Variants in GCFC2 observed in about 807,000 individuals in gnomAD.
GCFC2 encodes GC-rich sequence DNA-binding factor 2.
In GCFC2, 102 loss-of-function variants were observed where a neutral mutation model predicts 99.4. The observed-to-expected ratio is 1.03, with a 90% CI of 0.87 to 1.21. GCFC2 has a LOEUF of 1.21. GCFC2 is among the 50% of genes most tolerant of loss of function. GCFC2 has a pLI of 0.00. For missense variants in GCFC2, 973 were observed against 920.9 expected (o/e 1.06, Z -0.73); for synonymous variants, 338 against 316.8 (o/e 1.07, Z -0.71).
intron 8 of GCFC2, 162 bp downstream of exon 8, chr2:75,690,476 G>A (rs1680016914): frequency 6.9e-6 from 4 of 577,516 alleles, no homozygotes; most frequent in Non-Finnish European, 1.2e-5. Context: ...TGTCTTTAAA[G>A]CAGTCAAGGG....
chr2:75,670,342 C>G, intron 14 of GCFC2, 58 bp from the exon 15 acceptor site: 1 of 1,199,078 alleles, frequency 8.3e-7, no homozygotes. Flanking sequence ...CTGTAATAGT[C>G]TCTAACAAAC....
At chr2:75,667,861 G>A (rs1339755015) in intron 15 of GCFC2, among the ~76,000 whole-genome samples, 1 of 152,064 alleles carries the variant, frequency 6.6e-6, no homozygotes. Flanking sequence ...ACATTACATG[G>A]ATGATGATTT....
rs562370029 is a variant in GCFC2, at chr2:75,673,109, G to A, written c.1889+335C>T. ...GCGGATCACAAGGTCAGGAGATCGA[G>A]ACCATCCTGGCTAACATGGTGAAAC... On this transcript the variant is annotated intron_variant, in intron 13 of 16. Coordinates refer to ENST00000321027, the MANE Select transcript of GCFC2 (RefSeq NM_003203.5). 1.2e-4 allele frequency among the ~76,000 whole-genome samples: 19 copies of A among 152,220 alleles called. No homozygotes were observed. In the East Asian group the frequency reaches 3.3e-3, roughly 26 times the overall value.
chr2:75,688,206 A>G (rs1017340521), intron 10 of GCFC2, among the ~76,000 whole-genome samples: 2 of 152,208 alleles, frequency 1.3e-5, no homozygotes, highest in Non-Finnish European at 2.9e-5. Flanking sequence ...ATTCAATCAC[A>G]CAACAAACAC....
At chr2:75,699,481 C>A (rs757382252) in intron 4 of GCFC2, among the ~76,000 whole-genome samples, 21 of 152,224 alleles carry the variant, frequency 1.4e-4, no homozygotes, top group Non-Finnish European at 2.6e-4. Context: ...TAGCAGCAGA[C>A]CCACAGCCCA....
Position 75,664,283 on chromosome 2 carries a change from G to A in GCFC2, c.*383C>T, listed in dbSNP as rs115867062. 446 of 153,088 alleles carry A rather than the reference G, an allele frequency of 2.9e-3. 2 individuals are homozygous for A. Among genetic ancestry groups the A allele is most frequent in the African/African-American group, 9.9e-3 (410 of 41,602 alleles). 9.5% of individuals were successfully genotyped at this position (153,088 alleles called of 1,614,324 possible). A position where few individuals can be genotyped will look rare whatever the true frequency, so the allele number is the denominator to read the frequency against. On this transcript the variant is annotated 3_prime_UTR_variant, in exon 17 of 17. Coordinates refer to ENST00000321027, the MANE Select transcript of GCFC2 (RefSeq NM_003203.5). ...TCATATTGACTTATTTTTAAATAAA[G>A]GTAGTTAAAGAGAACTAAAAGATAT...
chr2:75,680,295 C>T lies in GCFC2; in HGVS notation c.1710G>A (p.Trp570Ter), dbSNP rs1476162910. The T allele has an allele frequency of 9.3e-6, 15 of 1,609,464 alleles. No homozygotes were observed. Among genetic ancestry groups the T allele is most frequent in the Non-Finnish European group, 1.1e-5 (13 of 1,176,434 alleles). Residue 570 changes from tryptophan to a stop codon, truncating the protein, a stop_gained, in exon 12 of 17, where the codon TGG (tryptophan) becomes TGA (stop). Transcript: ENST00000321027. LOFTEE classifies it high-confidence loss of function. ...PRLTDFVEFL[W>*]DPLSTSQTTS... The stretch of plus-strand genomic sequence containing the variant: ...TTGTCTGTGAGGTTGACAAAGGATC[C>T]CAAAGGAATTCTACAAAGTCTGAAA...
chr2:75,687,709 A>G (rs1157785705), intron 11 of GCFC2, 118 bp downstream of exon 11: 1 of 828,046 alleles, frequency 1.2e-6, no homozygotes, highest in African/African-American at 1.8e-5. Context: ...TTTACTACAT[A>G]TAACATTTCC....
chr2:75,696,185 A>G lies in GCFC2; in HGVS notation c.833+15T>C. Reference sequence around the variant, plus strand: ...ATCTAGGACAAATGTAAATTTCAAAATGAGTATTGCTCACCTAGTATTTAA... The same window carrying G: ...ATCTAGGACAAATGTAAATTTCAAAGTGAGTATTGCTCACCTAGTATTTAA... On this transcript the variant is annotated intron_variant, in intron 5 of 16. Transcript: ENST00000321027. 1.2e-6 allele frequency: 1 copy of G among 867,158 alleles called. No individual in the cohort carries two copies. Among genetic ancestry groups the G allele is most frequent in the Non-Finnish European group, 2.0e-6 (1 of 508,890 alleles). The allele number at this position is 867,158 out of a possible 1,614,324, so 53.7% of individuals were successfully genotyped here. A position where few individuals can be genotyped will look rare whatever the true frequency, so the allele number is the denominator to read the frequency against.
At chr2:75,670,075 G>T in intron 15 of GCFC2, 63 bp downstream of exon 15, 1 of 1,126,498 alleles carries the variant, frequency 8.9e-7, no homozygotes, top group Non-Finnish European at 1.3e-6. Context: ...CTAAATAATA[G>T]ATTTTAATAG....
Position 75,670,595 on chromosome 2 carries a change from A to AT in GCFC2, c.1957-312dup, listed in dbSNP as rs750904661. ...CTCTCAAAGCCGGGGGCCATCAAGT[A>AT]TAAGACCACAGGACCACGTGATTCA... On this transcript the variant is annotated intron_variant, in intron 14 of 16. Transcript: ENST00000321027. The AT allele has an allele frequency of 7.3e-5, 16 of 220,640 alleles. No individual in the cohort carries two copies. The East Asian group carries it at 1.5e-3, about 21-fold the overall frequency. The allele number at this position is 220,640 out of a possible 1,614,324, so 13.7% of individuals were successfully genotyped here.
intron 6 of GCFC2, 101 bp downstream of exon 6, chr2:75,694,140 T>G (rs1323606676): frequency 2.5e-6 from 1 of 404,574 alleles, no homozygotes; most frequent in African/African-American, 2.1e-5. Flanking sequence ...GTAGGAAAAA[T>G]ACTAGAGAAA....
At chr2:75,666,653 T>C (rs1678847564) in intron 15 of GCFC2, among the ~76,000 whole-genome samples, 1 of 149,448 alleles carries the variant, frequency 6.7e-6, no homozygotes, top group African/African-American at 2.5e-5. Context: ...CTAAGAGTAA[T>C]ACAAGATTTT....
chr2:75,673,561 G>A, intron 12 of GCFC2, 41 bp from the exon 13 acceptor site: 1 of 843,322 alleles, frequency 1.2e-6, no homozygotes. Flanking sequence ...ATAGAAGATA[G>A]AAATGTATTT....
rs753213760 is a variant in GCFC2, at chr2:75,689,301, A to G, written c.1340-76T>C. 14 of 749,648 alleles carry G rather than the reference A, an allele frequency of 1.9e-5. No individual in the cohort carries two copies. The East Asian group carries it at 2.1e-4, about 11-fold the overall frequency. 46.4% of individuals were successfully genotyped at this position (749,648 alleles called of 1,614,324 possible). A position where few individuals can be genotyped will look rare whatever the true frequency, so the allele number is the denominator to read the frequency against. On this transcript the variant is annotated intron_variant, in intron 9 of 16. Transcript: ENST00000321027. ...ATGCTTCCTTAAAAACACGGTCATGATGGACTGTAATCAATTGAGCTAAAA... is the reference window on the plus strand; with the variant it reads ...ATGCTTCCTTAAAAACACGGTCATGGTGGACTGTAATCAATTGAGCTAAAA...
intron 12 of GCFC2, among the ~76,000 whole-genome samples, chr2:75,674,191 A>AT (rs1356918177): frequency 6.6e-6 from 1 of 152,062 alleles, no homozygotes; most frequent in East Asian, 1.9e-4. Context: ...CAACATTGCT[A>AT]TTTTTTTGTA....
At chr2:75,695,192 T>C (rs1479891592) in intron 5 of GCFC2, among the ~76,000 whole-genome samples, 2 of 152,196 alleles carry the variant, frequency 1.3e-5, no homozygotes, top group African/African-American at 4.8e-5. Flanking sequence ...TAAATAAAGT[T>C]ATATTGGAAC....
chr2:75,688,745 C>A (rs1004335605), intron 10 of GCFC2, among the ~76,000 whole-genome samples: 3 of 152,078 alleles, frequency 2.0e-5, no homozygotes, highest in Non-Finnish European at 4.4e-5. Flanking sequence ...CCAAACCCAA[C>A]AGTACCTTAT....
At chr2:75,681,770 C>T (rs956014604) in intron 11 of GCFC2, among the ~76,000 whole-genome samples, 8 of 151,826 alleles carry the variant, frequency 5.3e-5, no homozygotes, top group African/African-American at 9.7e-5. Flanking sequence ...GAGGGGTGTC[C>T]GCCACTGCTG....
Sources: gnomAD v4.1 joint callset for allele counts (sites outside exome capture counted in the v4.1 genomes callset) on GRCh38, gnomAD v4.1.1 for gene constraint, MANE v1.5 for transcripts, NCBI Gene and HGNC (gene_info 2026-07-23, HGNC 2026-07-21) for gene names.